CADPS: variants seen among roughly 807,000 people sequenced by gnomAD.
The protein encoded by CADPS is calcium-dependent secretion activator 1.
Under a neutral mutation model 167.3 loss-of-function variants are expected in CADPS, and 57 were observed. That is an observed-to-expected ratio of 0.34 (90% CI 0.28 to 0.42). CADPS has a LOEUF of 0.42. CADPS is among the 20% of genes least tolerant of loss of function. CADPS has a pLI of 1.00. For missense variants in CADPS, 1,414 were observed against 1,738.1 expected, an observed-to-expected ratio of 0.81 and a Z score of 3.32; for synonymous variants, 676 against 635.3, an observed-to-expected ratio of 1.06 and a Z score of -0.96.
rs972507373 is a variant in CADPS at position 62,458,381 on chromosome 3, G to A, written c.3636+6986C>T. On this transcript the variant is annotated intron_variant, in intron 26 of 29. Transcript: ENST00000383710. The surrounding 1 kb of genome is among the most constrained non-coding windows in gnomAD (Gnocchi z 4.6). ...CTTAATCACTCTCTAACTTTCTGGC[G>A]ATAAACTTCCCACTGCATGTGATTT... 2.6e-5 allele frequency among the ~76,000 whole-genome samples: 4 copies of A among 152,292 alleles called. No individual in the cohort carries two copies. The highest frequency in any genetic ancestry group is 9.6e-5 in the African/African-American group (4 of 41,566).
chr3:62,625,469 G>A lies in CADPS; in HGVS notation c.1325+20253C>T, dbSNP rs1476070156. On this transcript the variant is annotated intron_variant, in intron 6 of 29. Coordinates refer to ENST00000383710, the MANE Select transcript of CADPS (RefSeq NM_003716.4). The stretch of plus-strand genomic sequence containing the variant: ...GGCACAGAAACAGGACACCACTGGA[G>A]CCGGGTCACACTGGTTCAGGAGCTC... The A allele has an allele frequency of 1.3e-5, 2 of 150,586 alleles. 1 individual carries two copies. Among genetic ancestry groups the A allele is most frequent in the African/African-American group, 5.0e-5 (2 of 40,016 alleles). The allele number at this position is 150,586 out of a possible 1,614,324, so 9.3% of individuals were successfully genotyped here. A position where few individuals can be genotyped will look rare whatever the true frequency, so the allele number is the denominator to read the frequency against.
intron 28 of CADPS, among the ~76,000 whole-genome samples, chr3:62,415,353 T>G (rs539056677): frequency 6.6e-6 from 1 of 152,218 alleles, no homozygotes; most frequent in African/African-American, 2.4e-5. Flanking sequence ...TAGAACTGAA[T>G]GGAGGCATGA....
At chr3:62,582,297 T>C (rs1293186598) in intron 8 of CADPS, among the ~76,000 whole-genome samples, 1 of 151,998 alleles carries the variant, frequency 6.6e-6, no homozygotes, top group Non-Finnish European at 1.5e-5. Flanking sequence ...AGCACAAAAA[T>C]TAGCTGGGTG....
intron 3 of CADPS, among the ~76,000 whole-genome samples, chr3:62,708,016 C>G (rs1360468034): frequency 1.3e-5 from 2 of 150,878 alleles, no homozygotes. Context: ...ACCTCTGCCC[C>G]CTGGGCTCAA....
Position 62,492,278 on chromosome 3 carries a change from G to A in CADPS, c.2884+12C>T. 6.2e-7 allele frequency: 1 copy of A among 1,612,498 alleles called. No homozygotes were observed. The highest frequency in any genetic ancestry group is 8.5e-7 in the Non-Finnish European group (1 of 1,178,734). On this transcript the variant is annotated intron_variant, in intron 20 of 29. Transcript: ENST00000383710. The stretch of plus-strand genomic sequence containing the variant: ...TACTTAGGAAAGTCAAACAGTCAAA[G>A]GTAATACATACAGTCAGTACGGAGA...
At chr3:62,643,999 T>C (rs772976928) in intron 6 of CADPS, among the ~76,000 whole-genome samples, 1 of 152,194 alleles carries the variant, frequency 6.6e-6, no homozygotes, top group Non-Finnish European at 1.5e-5. Context: ...ACAAGGTGCA[T>C]TGGTTTCCAT....
chr3:62,635,826 A>G (rs1327068318), intron 6 of CADPS, among the ~76,000 whole-genome samples: 1 of 152,080 alleles, frequency 6.6e-6, no homozygotes, highest in Non-Finnish European at 1.5e-5. Flanking sequence ...ATAACCCTTT[A>G]CCACTTGCTG....
chr3:62,550,686 C>T (rs1169284634), intron 10 of CADPS, among the ~76,000 whole-genome samples: 1 of 151,742 alleles, frequency 6.6e-6, no homozygotes, highest in Admixed American at 6.6e-5. Flanking sequence ...TAGCAAGGGT[C>T]TCTCCCCTCC....
At position 62,532,221 on chromosome 3, in the gene CADPS, T is replaced by C. The variant is rs147527285; in HGVS notation, c.2291+650A>G. Among the ~76,000 whole-genome samples the C allele has an allele frequency of 3.8e-3, 582 of 152,142 alleles. 4 individuals are homozygous for C. Among genetic ancestry groups the C allele is most frequent in the African/African-American group, 0.013 (536 of 41,492 alleles). On this transcript the variant is annotated intron_variant, in intron 13 of 29. Coordinates refer to ENST00000383710, the MANE Select transcript of CADPS (RefSeq NM_003716.4). ...CTCCAGCATCACTTCCTCAGGGAGG[T>C]CCTCCTTGCCATCTTGCCATTCCAT...
intron 3 of CADPS, among the ~76,000 whole-genome samples, chr3:62,735,336 A>T (rs370738549): frequency 6.8e-6 from 1 of 146,288 alleles, no homozygotes; most frequent in Non-Finnish European, 1.5e-5. Flanking sequence ...AAGTATTAAG[A>T]AATGTAAGAA....
At position 62,550,302 on chromosome 3, in the gene CADPS, T is replaced by C. The variant is rs116596522; in HGVS notation, c.1754-187A>G. Among the ~76,000 whole-genome samples the C allele has an allele frequency of 4.6e-3, 694 of 152,182 alleles. 7 individuals are homozygous for C. Among genetic ancestry groups the C allele is most frequent in the African/African-American group, 0.016 (661 of 41,488 alleles). The stretch of plus-strand genomic sequence containing the variant: ...TGGGACCGTGATGTTGAAGAAGTAT[T>C]TCTGAGCCTGGATCTTATCTTTTTG... On this transcript the variant is annotated intron_variant, in intron 10 of 29. Transcript: ENST00000383710.
intron 6 of CADPS, among the ~76,000 whole-genome samples, chr3:62,626,999 C>T (rs554677757): frequency 9.8e-4 from 149 of 152,168 alleles, no homozygotes; most frequent in African/African-American, 3.1e-3. Context: ...TGTCCTAATT[C>T]TTTTCAAAGC....
At chr3:62,857,167 G>C (rs1293590850) in intron 1 of CADPS, among the ~76,000 whole-genome samples, 1 of 152,018 alleles carries the variant, frequency 6.6e-6, no homozygotes, top group Non-Finnish European at 1.5e-5. Flanking sequence ...GAAGGTAACA[G>C]AATTTGTGAA....
intron 6 of CADPS, among the ~76,000 whole-genome samples, chr3:62,619,376 AT>A (rs767485360): frequency 5.3e-5 from 8 of 152,084 alleles, no homozygotes; most frequent in Non-Finnish European, 1.0e-4. Context: ...TATTTGAAAT[AT>A]TCTGGTTTTA....
chr3:62,817,857 G>A (rs182728660), intron 1 of CADPS, among the ~76,000 whole-genome samples: 1 of 152,288 alleles, frequency 6.6e-6, no homozygotes, highest in Admixed American at 6.5e-5. Flanking sequence ...AATGCAGATT[G>A]CATGTGGCCT....
At chr3:62,444,505 A>T (rs1002679156) in intron 27 of CADPS, among the ~76,000 whole-genome samples, 4 of 152,238 alleles carry the variant, frequency 2.6e-5, no homozygotes, top group Non-Finnish European at 4.4e-5. Context: ...CCACGAAGGG[A>T]AAGTTTATAC....
intron 3 of CADPS, among the ~76,000 whole-genome samples, chr3:62,676,501 T>C (rs2076355073): frequency 6.6e-6 from 1 of 152,158 alleles, no homozygotes; most frequent in Non-Finnish European, 1.5e-5. Context: ...TACCTATTCA[T>C]TTTATTTCAT....
chr3:62,748,434 A>G (rs1324426262), intron 3 of CADPS, among the ~76,000 whole-genome samples: 1 of 150,978 alleles, frequency 6.6e-6, no homozygotes, highest in Non-Finnish European at 1.5e-5. Context: ...AAGGGAAAAT[A>G]TCCGCACAGT....
chr3:62,733,769 T>C (rs2078410533), intron 3 of CADPS, among the ~76,000 whole-genome samples: 1 of 149,534 alleles, frequency 6.7e-6, no homozygotes, highest in Non-Finnish European at 1.5e-5. Flanking sequence ...TGGTGATTTC[T>C]GAGATGCTGG....
Sources: allele counts gnomAD v4.1 joint callset (sites outside exome capture counted in the v4.1 genomes callset), GRCh38; gene constraint gnomAD v4.1.1; non-coding constraint Gnocchi (gnomAD v3.1); transcripts MANE v1.5; gene names NCBI Gene and HGNC (gene_info 2026-07-23, HGNC 2026-07-21).